STAU2: variants seen among roughly 807,000 people sequenced by gnomAD.
STAU2 encodes the protein staufen double-stranded RNA binding protein 2, also known as double-stranded RNA-binding protein Staufen homolog 2.
STAU2 carries 20 observed loss-of-function variants against 65.9 expected under a neutral mutation model. That is an observed-to-expected ratio of 0.30 (90% CI 0.21 to 0.44). The LOEUF is 0.44. STAU2 is among the 20% of genes least tolerant of loss of function. The pLI is 1.00. For missense variants in STAU2, 558 were observed against 683.9 expected (o/e 0.82, Z 2.05); for synonymous variants, 232 against 233.9 (o/e 0.99, Z 0.07).
At chr8:73,432,308 G>A (rs1311222613) in intron 13 of STAU2, among the ~76,000 whole-genome samples, 1 of 152,194 alleles carries the variant, frequency 6.6e-6, no homozygotes, top group Non-Finnish European at 1.5e-5. Context: ...CTTTCACAAG[G>A]AAATGAGAGG....
intron 13 of STAU2, among the ~76,000 whole-genome samples, chr8:73,461,132 G>A (rs1410704443): frequency 6.6e-6 from 1 of 152,144 alleles, no homozygotes; most frequent in African/African-American, 2.4e-5. Context: ...GAGACTTAGG[G>A]GAAGTTACTT....
At chr8:73,464,872 C>T (rs1819566799) in intron 13 of STAU2, among the ~76,000 whole-genome samples, 1 of 152,190 alleles carries the variant, frequency 6.6e-6, no homozygotes, top group Admixed American at 6.5e-5. Flanking sequence ...TAAAGATCTA[C>T]TCTTTGTAAG....
At chr8:73,530,564 C>A (rs904465190) in intron 13 of STAU2, among the ~76,000 whole-genome samples, 1 of 152,168 alleles carries the variant, frequency 6.6e-6, no homozygotes, top group African/African-American at 2.4e-5. Context: ...GCTGACATAT[C>A]ACTCCCTGGT....
At chr8:73,610,492 T>C (rs930453278) in intron 9 of STAU2, among the ~76,000 whole-genome samples, 13 of 140,072 alleles carry the variant, frequency 9.3e-5, no homozygotes, top group African/African-American at 3.5e-4. Context: ...GCCAAGATCA[T>C]GGTGCCACTG....
intron 3 of STAU2, among the ~76,000 whole-genome samples, chr8:73,718,057 T>C (rs1055463162): frequency 1.3e-5 from 2 of 152,254 alleles, no homozygotes; most frequent in African/African-American, 2.4e-5. Context: ...ATGACTGTTA[T>C]GTGAATCAGC....
At chr8:73,464,956 T>A (rs1213367112) in intron 13 of STAU2, among the ~76,000 whole-genome samples, 1 of 152,240 alleles carries the variant, frequency 6.6e-6, no homozygotes, top group African/African-American at 2.4e-5. Flanking sequence ...CATTGCCCAA[T>A]GGAGGATGCC....
At chr8:73,681,130 T>C (rs958981058) in intron 5 of STAU2, among the ~76,000 whole-genome samples, 4 of 152,074 alleles carry the variant, frequency 2.6e-5, no homozygotes, top group Non-Finnish European at 5.9e-5. Flanking sequence ...AGGGAATTCA[T>C]TGCAAAAAGA....
At chr8:73,713,467 A>G (rs141910160) in intron 3 of STAU2, among the ~76,000 whole-genome samples, 1 of 152,166 alleles carries the variant, frequency 6.6e-6, no homozygotes, top group African/African-American at 2.4e-5. Context: ...TCACAATATA[A>G]GTACTATAAT....
intron 5 of STAU2, among the ~76,000 whole-genome samples, chr8:73,686,771 G>A (rs998005981): frequency 7.3e-5 from 11 of 151,532 alleles, no homozygotes; most frequent in Non-Finnish European, 1.0e-4. Flanking sequence ...AATGTTGTTC[G>A]TATTGTATGC....
chr8:73,525,153 C>T (rs1268285439), intron 13 of STAU2, among the ~76,000 whole-genome samples: 1 of 152,186 alleles, frequency 6.6e-6, no homozygotes, highest in Non-Finnish European at 1.5e-5. Flanking sequence ...TATTCATCTA[C>T]CAATGTGACC....
At chr8:73,662,555 C>G (rs901382587) in intron 6 of STAU2, among the ~76,000 whole-genome samples, 3 of 151,984 alleles carry the variant, frequency 2.0e-5, no homozygotes, top group African/African-American at 7.3e-5. Context: ...TGACCCATTT[C>G]TGATTTATTT....
Position 73,709,070 on chromosome 8 carries a change from A to C in STAU2, c.76T>G (p.Tyr26Asp). The C allele has an allele frequency of 6.5e-7, 1 of 1,531,592 alleles. No homozygotes were observed. 94.9% of individuals were successfully genotyped at this position (1,531,592 alleles called of 1,614,324 possible). A position where few individuals can be genotyped will look rare whatever the true frequency, so the allele number is the denominator to read the frequency against. The change falls in exon 4 of 15, where the codon TAT becomes GAT. Residue 26 changes from tyrosine (Y) to aspartate (D), a missense_variant. Transcript: ENST00000524300. ...LARFNRVQPQ[Y>D]KLLNERGPAH... The stretch of plus-strand genomic sequence containing the variant: ...GGCCCTCTTTCATTCAGAAGTTTAT[A>C]CTGGGGTTGGACTCTATTGAAACGG...
intron 9 of STAU2, among the ~76,000 whole-genome samples, chr8:73,608,856 G>A (rs1812228425): frequency 6.6e-6 from 1 of 151,858 alleles, no homozygotes; most frequent in Non-Finnish European, 1.5e-5. Flanking sequence ...CGGGCATGGT[G>A]GTGGGCACCT....
chr8:73,660,817 C>A (rs1229140130), intron 6 of STAU2, among the ~76,000 whole-genome samples: 2 of 152,004 alleles, frequency 1.3e-5, no homozygotes, highest in African/African-American at 4.8e-5. Context: ...TTAACACGGG[C>A]CAAAAATATC....
intron 6 of STAU2, among the ~76,000 whole-genome samples, chr8:73,627,595 A>G (rs1040865366): frequency 6.6e-6 from 1 of 152,134 alleles, no homozygotes; most frequent in Non-Finnish European, 1.5e-5. Flanking sequence ...GGATTTTCCT[A>G]TTATTTCCAG....
At chr8:73,738,186 A>C (rs1256479661) in intron 3 of STAU2, 98 bp downstream of exon 3, 4 of 1,067,348 alleles carry the variant, frequency 3.7e-6, no homozygotes, top group Non-Finnish European at 5.7e-6. Flanking sequence ...GTGATGAGTC[A>C]GGTTACAGTT....
chr8:73,455,397 C>T (rs1819009106), intron 13 of STAU2, among the ~76,000 whole-genome samples: 1 of 152,146 alleles, frequency 6.6e-6, no homozygotes, highest in African/African-American at 2.4e-5. Flanking sequence ...GCCAGGAGTA[C>T]AGGTTGGGAG....
At chr8:73,521,203 C>T (rs1405142452) in intron 13 of STAU2, among the ~76,000 whole-genome samples, 1 of 152,098 alleles carries the variant, frequency 6.6e-6, no homozygotes, top group Admixed American at 6.5e-5. Context: ...GAATAACCTA[C>T]AAGCAGAACT....
intron 13 of STAU2, among the ~76,000 whole-genome samples, chr8:73,481,523 A>ACC (rs1311831434): frequency 6.7e-6 from 1 of 148,880 alleles, no homozygotes; most frequent in East Asian, 2.2e-4. Flanking sequence ...AAACAAAAAA[A>ACC]AAAAACACTT....
Sources: gnomAD v4.1 joint callset for allele counts (sites outside exome capture counted in the v4.1 genomes callset) on GRCh38, gnomAD v4.1.1 for gene constraint, MANE v1.5 for transcripts, NCBI Gene and HGNC (gene_info 2026-07-23, HGNC 2026-07-21) for gene names.